The following MACF1 variants were observed in gnomAD, a reference collection of about 807,000 sequenced individuals.
The protein encoded by MACF1 is microtubule actin crosslinking factor 1.
Under a neutral mutation model 854.8 loss-of-function variants are expected in MACF1, and 193 were observed. The observed-to-expected ratio is 0.23, with a 90% CI of 0.20 to 0.25. The LOEUF (loss-of-function observed/expected upper bound fraction) is 0.25, where lower values mean the gene tolerates loss of function less well. MACF1 is among the 10% of genes least tolerant of loss of function. The pLI, the probability that MACF1 is intolerant of heterozygous loss-of-function variation, is 1.00. For synonymous variants in MACF1, 3,185 were observed against 3,226.7 expected (o/e 0.99, Z 0.44); for missense variants, 7,722 against 8,929.1 (o/e 0.86, Z 5.45).
intron 2 of MACF1, among the ~76,000 whole-genome samples, chr1:39,093,305 CTTTTTTTT>C (rs34921076): frequency 1.7e-4 from 9 of 54,172 alleles, no homozygotes; most frequent in South Asian, 2.4e-3. Flanking sequence ...TACTCCACTT[CTTTTTTTT>C]TTTTTTTTTT....
chr1:39,387,843 A>G lies in MACF1; in HGVS notation c.15001A>G (p.Lys5001Glu), dbSNP rs909010152. Residue 5001 changes from lysine (K) to glutamate (E), a missense_variant, in exon 58 of 101, where the codon AAA (lysine) becomes GAA (glutamate). By Grantham distance (56) the Lys-to-Glu change is moderately conservative. Coordinates refer to ENST00000564288, the MANE Select transcript of MACF1 (RefSeq NM_001394062.1). ...TGCTGTTACAGAAGAGCTGCAGGCC[A>G]AAACAGGGTCACTCGAAGAAATGAC... is the stretch of plus-strand genomic sequence containing the variant. ...MDAVTEELQA[K>E]TGSLEEMTQR... 2 of 1,613,984 alleles carry G rather than the reference A, an allele frequency of 1.2e-6. No homozygotes were observed. Among genetic ancestry groups the G allele is most frequent in the African/African-American group, 2.7e-5 (2 of 74,914 alleles).
At chr1:39,278,345 A>C (rs1252771796) in intron 6 of MACF1, among the ~76,000 whole-genome samples, 1 of 152,222 alleles carries the variant, frequency 6.6e-6, no homozygotes, top group African/African-American at 2.4e-5. Flanking sequence ...TAATGGCCCT[A>C]ATCCAAACAG....
chr1:39,119,012 T>C (rs1034147178), intron 2 of MACF1, among the ~76,000 whole-genome samples: 8 of 152,172 alleles, frequency 5.3e-5, no homozygotes, highest in Non-Finnish European at 1.0e-4. Context: ...GTGATTTCAT[T>C]GTGGTCTTTA....
intron 2 of MACF1, among the ~76,000 whole-genome samples, chr1:39,100,893 C>T (rs978978254): frequency 1.3e-5 from 2 of 151,270 alleles, no homozygotes; most frequent in African/African-American, 4.9e-5. Context: ...ATAAAGTAAA[C>T]AAATATACAA....
chr1:39,268,097 A>G (rs1266070092), intron 6 of MACF1, among the ~76,000 whole-genome samples: 1 of 152,104 alleles, frequency 6.6e-6, no homozygotes, highest in East Asian at 1.9e-4. Context: ...GTAGTTTGGG[A>G]GCCATAATTG....
intron 2 of MACF1, among the ~76,000 whole-genome samples, chr1:39,085,130 G>A (rs946652338): frequency 3.9e-5 from 6 of 152,176 alleles, no homozygotes; most frequent in Non-Finnish European, 8.8e-5. Context: ...GTGCTGGATC[G>A]TGGCCCTGCC....
chr1:39,382,018 A>T lies in MACF1; in HGVS notation c.13714A>T (p.Ser4572Cys), dbSNP rs756513852. ...GCAAAGGCAGCTAGAGGAATCTGCA[A>T]GTCATCTGGCCTGCTTCCAGGCTGC... The part of the protein sequence containing the change: ...ARQRQLEESA[S>C]HLACFQAAES... Residue 4572 changes from serine to cysteine, a missense_variant, in exon 56 of 101, where the codon AGT becomes TGT. Physicochemically the swap from Ser to Cys is moderately radical, Grantham distance 112. This residue lies in a region of MACF1 where 2,807 missense variants were observed against 3,235.8 expected (regional missense o/e 0.87). Coordinates refer to ENST00000564288, the MANE Select transcript of MACF1 (RefSeq NM_001394062.1). The T allele has an allele frequency of 6.2e-7, 1 of 1,614,140 alleles. No individual in the cohort carries two copies. The highest frequency in any genetic ancestry group is 1.3e-5 in the African/African-American group (1 of 75,034).
At chr1:39,217,884 A>G (rs1464558855) in intron 1 of MACF1, among the ~76,000 whole-genome samples, 1 of 144,794 alleles carries the variant, frequency 6.9e-6, no homozygotes, top group Non-Finnish European at 1.5e-5. Context: ...CCCTGTCTCA[A>G]AAAAAAAAAA....
intron 58 of MACF1, among the ~76,000 whole-genome samples, chr1:39,392,356 A>G (rs1174528238): frequency 6.6e-6 from 1 of 152,178 alleles, no homozygotes; most frequent in Non-Finnish European, 1.5e-5. Context: ...TTCCTGGGTT[A>G]ATGTATTATA....
chr1:39,298,537 C>T (rs1019450293), intron 21 of MACF1: 8 of 335,608 alleles, frequency 2.4e-5, no homozygotes, highest in Admixed American at 1.6e-4. Flanking sequence ...AGGGGAATCT[C>T]GCATTTCAAT....
Position 39,437,816 on chromosome 1 carries a change from A to T in MACF1, c.18028A>T (p.Asn6010Tyr), listed in dbSNP as rs1644014737. ...KIEPMLETLE[N>Y]LSSRLRMPPL... Reference sequence around the variant, plus strand: ...TGAGCCTATGTTGGAGACACTGGAGAATCTTTCCTCTCGCCTGCGTATGCC... The same window carrying T: ...TGAGCCTATGTTGGAGACACTGGAGTATCTTTCCTCTCGCCTGCGTATGCC... The change falls in exon 71 of 101, where the codon AAT becomes TAT. Residue 6010 changes from asparagine (N) to tyrosine (Y), a missense_variant. Asn to Tyr is a moderately radical substitution (Grantham distance 143). Transcript: ENST00000564288. 1.2e-6 allele frequency: 2 copies of T among 1,614,156 alleles called. No individual in the cohort carries two copies. Among genetic ancestry groups the T allele is most frequent in the Non-Finnish European group, 1.7e-6 (2 of 1,180,018 alleles).
intron 18 of MACF1, 149 bp from the exon 19 acceptor site, chr1:39,294,897 A>T: frequency 1.8e-6 from 1 of 570,216 alleles, no homozygotes; most frequent in Non-Finnish European, 3.1e-6. Flanking sequence ...CTTCTCTGCA[A>T]TCCTCTGGCA....
At chr1:39,292,131 G>A (rs1645802729) in intron 16 of MACF1, 93 bp downstream of exon 16, 3 of 1,415,044 alleles carry the variant, frequency 2.1e-6, no homozygotes, top group Non-Finnish European at 2.9e-6. Flanking sequence ...GAAGGAGGAG[G>A]GTGCTCTGGA....
chr1:39,410,938 A>G (rs762587490), intron 58 of MACF1: 6 of 1,613,892 alleles, frequency 3.7e-6, no homozygotes, highest in Admixed American at 1.7e-5. Flanking sequence ...TCAGCAGCAC[A>G]GTGCAAACCC....
chr1:39,102,192 A>AC (rs1557453754), intron 2 of MACF1, among the ~76,000 whole-genome samples: 1 of 21,556 alleles, frequency 4.6e-5, no homozygotes, highest in Non-Finnish European at 9.5e-5. Context: ...GAAGAAAAAG[A>AC]AAGAGAGAGA....
chr1:39,381,542 T>C (rs1452144813), intron 55 of MACF1, among the ~76,000 whole-genome samples: 1 of 152,030 alleles, frequency 6.6e-6, no homozygotes, highest in Non-Finnish European at 1.5e-5. Context: ...AATTTTTAAA[T>C]TTTTTTGGTA....
chr1:39,387,669 C>G lies in MACF1; in HGVS notation c.14827C>G (p.Leu4943Val), dbSNP rs146321347. The G allele has an allele frequency of 1.2e-6, 2 of 1,614,182 alleles. No homozygotes were observed. Among genetic ancestry groups the G allele is most frequent in the Admixed American group, 3.3e-5 (2 of 60,018 alleles). Residue 4943 changes from leucine to valine, a missense_variant, in exon 58 of 101, where the codon CTA (leucine) becomes GTA (valine). Physicochemically the swap from Leu to Val is conservative, Grantham distance 32. Coordinates refer to ENST00000564288, the MANE Select transcript of MACF1 (RefSeq NM_001394062.1). Reference protein sequence around the residue: ...LDPVQLESSLLRSKAMLNEVE... With the variant: ...LDPVQLESSLVRSKAMLNEVE... Reference sequence around the variant, plus strand: ...TCCAGTGCAGCTAGAGTCCAGTCTCCTAAGATCAAAGGCTATGCTGAATGA... The same window carrying G: ...TCCAGTGCAGCTAGAGTCCAGTCTCGTAAGATCAAAGGCTATGCTGAATGA...
chr1:39,416,901 T>C (rs1643334580), intron 58 of MACF1, among the ~76,000 whole-genome samples: 1 of 152,226 alleles, frequency 6.6e-6, no homozygotes, highest in East Asian at 1.9e-4. Context: ...AGAGAGGCCA[T>C]TTTGAAAATA....
chr1:39,333,931 G>T lies in MACF1; in HGVS notation c.7343G>T (p.Gly2448Val), dbSNP rs147441513. 3.8e-5 allele frequency: 62 copies of T among 1,614,052 alleles called. No individual in the cohort carries two copies. The African/African-American group carries it at 6.9e-4, about 18-fold the overall frequency. ...ELINLEKASK[G>V]RDAEKTVRER... ...ATAAATCTGGAGAAAGCTTCCAAAGGTAGAGATGCTGAAAAAACAGTTAGG... is the reference window on the plus strand; with the variant it reads ...ATAAATCTGGAGAAAGCTTCCAAAGTTAGAGATGCTGAAAAAACAGTTAGG... Residue 2448 changes from glycine (G) to valine (V), a missense_variant, in exon 37 of 101, where the codon GGT (glycine) becomes GTT (valine). Physicochemically the swap from Gly to Val is moderately radical, Grantham distance 109. This residue lies in a region of MACF1 where 1,531 missense variants were observed against 1,601.6 expected (regional missense o/e 0.96). Transcript: ENST00000564288.
Sources: allele counts gnomAD v4.1 joint callset (sites outside exome capture counted in the v4.1 genomes callset), GRCh38; gene constraint gnomAD v4.1.1; regional missense constraint gnomAD v4.1.1; transcripts MANE v1.5; gene names NCBI Gene and HGNC (gene_info 2026-07-23, HGNC 2026-07-21).